DLGAP5: variants seen among roughly 807,000 people sequenced by gnomAD.
DLGAP5 encodes DLG associated protein 5, also known as disks large-associated protein 5.
In DLGAP5, 90 loss-of-function variants were observed where a neutral mutation model predicts 99.6. That is an observed-to-expected ratio of 0.90 (90% CI 0.76 to 1.08). The LOEUF is 1.08. Among genes scored for constraint, DLGAP5 ranks in the 50% least tolerant of loss-of-function variants. DLGAP5 has a pLI of 0.00. For missense variants in DLGAP5, 1,036 were observed against 983.5 expected, an observed-to-expected ratio of 1.05 and a Z score of -0.71; for synonymous variants, 311 against 321.3, an observed-to-expected ratio of 0.97 and a Z score of 0.34.
chr14:55,183,007 C>T (rs1883324621), intron 3 of DLGAP5, among the ~76,000 whole-genome samples: 1 of 152,132 alleles, frequency 6.6e-6, no homozygotes, highest in Admixed American at 6.5e-5. Context: ...TCTTCCTTAT[C>T]TCTTTTAGCA....
intron 9 of DLGAP5, 60 bp from the exon 10 acceptor site, chr14:55,175,532 C>A: frequency 9.9e-7 from 1 of 1,006,784 alleles, no homozygotes; most frequent in Admixed American, 3.1e-5. Flanking sequence ...AAAATGACAG[C>A]CCCTAAAAAG....
At chr14:55,176,976 GAAAAAAAAA>G (rs34109336) in intron 8 of DLGAP5, 77 bp downstream of exon 8, 561 of 253,486 alleles carry the variant, frequency 2.2e-3, no homozygotes, top group East Asian at 0.021. Flanking sequence ...AACTCCGTCT[GAAAAAAAAA>G]AAAAAAAAAA....
At position 55,151,833 on chromosome 14, in the gene DLGAP5, C is replaced by T. The variant is rs1288205162; in HGVS notation, c.2230G>A (p.Gly744Arg). ...ATTCCTTCCACAACATCTGAAATTCCTTCTTTTTTGTTAGTATTAATATCA... is the reference window on the plus strand; with the variant it reads ...ATTCCTTCCACAACATCTGAAATTCTTTCTTTTTTGTTAGTATTAATATCA... ...ADDINTNKKE[G>R]ISDVVEGMEL... Residue 744 changes from glycine to arginine, a missense_variant, in exon 17 of 19, where the codon GGA becomes AGA. Coordinates refer to ENST00000247191, the MANE Select transcript of DLGAP5 (RefSeq NM_014750.5). 6.2e-7 allele frequency: 1 copy of T among 1,613,866 alleles called. No individual in the cohort carries two copies. The highest frequency in any genetic ancestry group is 1.1e-5 in the South Asian group (1 of 91,076).
intron 13 of DLGAP5, among the ~76,000 whole-genome samples, chr14:55,159,136 T>A (rs1882323692): frequency 6.7e-6 from 1 of 148,540 alleles, no homozygotes; most frequent in Admixed American, 6.8e-5. Context: ...CCTAAACCAA[T>A]CTTCAGGCAT....
rs1302501665 is a variant in DLGAP5, at chr14:55,191,559, A to C, written c.-98T>G. The C allele has an allele frequency of 2.0e-5, 3 of 152,228 alleles. No homozygotes were observed. Among genetic ancestry groups the C allele is most frequent in the Non-Finnish European group, 2.9e-5 (2 of 67,996 alleles). The allele number at this position is 152,228 out of a possible 1,614,324, so 9.4% of individuals were successfully genotyped here. On this transcript the variant is annotated 5_prime_UTR_variant, in exon 1 of 19. Transcript: ENST00000247191. ...CGACTCCGAAGCAGGAACCCTCACA[A>C]CCCGAGCCTCCACGAAATTCAAACT... is the stretch of plus-strand genomic sequence containing the variant.
chr14:55,176,894 C>T (rs1414700519), intron 8 of DLGAP5, among the ~76,000 whole-genome samples, 168 bp downstream of exon 8: 1 of 134,424 alleles, frequency 7.4e-6, no homozygotes, highest in Non-Finnish European at 1.5e-5. Context: ...AGAAGAATGG[C>T]GTGAACCCGG....
chr14:55,161,598 C>T (rs1182064911), intron 13 of DLGAP5, among the ~76,000 whole-genome samples: 13 of 150,566 alleles, frequency 8.6e-5, no homozygotes, highest in African/African-American at 2.7e-4. Context: ...TTAGTAGAGA[C>T]GGGGTTTCTC....
chr14:55,185,793 C>T (rs567211565), intron 2 of DLGAP5, among the ~76,000 whole-genome samples: 10 of 152,348 alleles, frequency 6.6e-5, no homozygotes, highest in Non-Finnish European at 1.5e-4. Flanking sequence ...CTATTTCCAA[C>T]ACTCTTTACA....
At chr14:55,176,323 T>A (rs1226973399) in intron 8 of DLGAP5, among the ~76,000 whole-genome samples, 1 of 152,204 alleles carries the variant, frequency 6.6e-6, no homozygotes. Context: ...TGCAAAATGA[T>A]CTTGCCTTTT....
intron 12 of DLGAP5, among the ~76,000 whole-genome samples, chr14:55,165,618 A>G (rs182450409): frequency 1.4e-4 from 21 of 152,186 alleles, no homozygotes; most frequent in Non-Finnish European, 3.1e-4. Flanking sequence ...ATCTTCAAAG[A>G]ATCTGTTCCA....
At chr14:55,176,463 G>A (rs1227770186) in intron 8 of DLGAP5, among the ~76,000 whole-genome samples, 1 of 152,104 alleles carries the variant, frequency 6.6e-6, no homozygotes, top group African/African-American at 2.4e-5. Flanking sequence ...AAGCAGTATA[G>A]CAATTTTCTT....
chr14:55,160,473 A>G (rs1339095890), intron 13 of DLGAP5, among the ~76,000 whole-genome samples: 1 of 150,848 alleles, frequency 6.6e-6, no homozygotes, highest in Non-Finnish European at 1.5e-5. Flanking sequence ...TTTTTGAGAG[A>G]GTCTTGATGT....
rs772765834 is a variant in DLGAP5, at chr14:55,151,762, G to T, written c.2301C>A (p.Ser767Arg). ...TTTGTGAAGCTGTATTTTTTTCAGG[G>T]CTACTCATCAAAACATCCTGTGATG... is the stretch of plus-strand genomic sequence containing the variant. Reference protein sequence around the residue: ...SITSQDVLMSSPEKNTASQNS... With the variant: ...SITSQDVLMSRPEKNTASQNS... The change falls in exon 17 of 19, where the codon AGC (serine) becomes AGA (arginine). Residue 767 changes from serine to arginine, a missense_variant. By Grantham distance (110) the Ser-to-Arg change is moderately radical (BLOSUM62 -1). Coordinates refer to ENST00000247191, the MANE Select transcript of DLGAP5 (RefSeq NM_014750.5). The T allele has an allele frequency of 2.6e-5, 42 of 1,613,392 alleles. No individual in the cohort carries two copies. The highest frequency in any genetic ancestry group is 3.6e-5 in the Non-Finnish European group (42 of 1,179,830).
In DLGAP5 at chr14:55,165,553, C is replaced by A. The variant is rs113428001; in HGVS notation, c.1549-2478G>T. 1.5e-3 allele frequency among the ~76,000 whole-genome samples: 229 copies of A among 151,830 alleles called. 1 individual carries two copies. Among genetic ancestry groups the A allele is most frequent in the African/African-American group, 5.3e-3 (220 of 41,382 alleles). On this transcript the variant is annotated intron_variant, in intron 12 of 18. Coordinates refer to ENST00000247191, the MANE Select transcript of DLGAP5 (RefSeq NM_014750.5). Reference sequence around the variant, plus strand: ...AACAAAAAAAAAAACCCCAAAAAAACCCTACAATGAGATACCTCATACCCA... The same window carrying A: ...AACAAAAAAAAAAACCCCAAAAAAAACCTACAATGAGATACCTCATACCCA...
intron 1 of DLGAP5, among the ~76,000 whole-genome samples, chr14:55,190,718 ATCTG>A (rs1463751730): frequency 6.6e-6 from 1 of 152,204 alleles, no homozygotes; most frequent in African/African-American, 2.4e-5. Flanking sequence ...AAAAACGAGA[ATCTG>A]TCTGACCTGC....
intron 15 of DLGAP5, among the ~76,000 whole-genome samples, chr14:55,154,349 TGTA>T (rs1882126438): frequency 6.6e-6 from 1 of 152,176 alleles, no homozygotes; most frequent in Admixed American, 6.5e-5. Flanking sequence ...GCACCAAAGT[TGTA>T]GTATGTTTAG....
Position 55,162,997 on chromosome 14 carries a change from G to A in DLGAP5, c.1627C>T (p.His543Tyr). The A allele has an allele frequency of 6.3e-7, 1 of 1,591,670 alleles. No homozygotes were observed. The highest frequency in any genetic ancestry group is 1.2e-5 in the South Asian group (1 of 86,344). The change falls in exon 13 of 19, where the codon CAT becomes TAT. Residue 543 changes from histidine (H) to tyrosine (Y), a missense_variant. Transcript: ENST00000247191. ...CTAAAGACATTTTTGTTCATATTAT[G>A]ATTCATATTATTATTGACTTGCCAC... Reference protein sequence around the residue: ...SGWQVNNNMNHNMNKNVFRKK... With the variant: ...SGWQVNNNMNYNMNKNVFRKK...
At chr14:55,151,586 C>G (rs1882020343) in intron 17 of DLGAP5, 109 bp downstream of exon 17, 2 of 1,201,990 alleles carry the variant, frequency 1.7e-6, no homozygotes, top group Non-Finnish European at 2.3e-6. Context: ...AATGAAGGAT[C>G]CTCAATAGTT....
At chr14:55,172,583 C>A (rs914655085) in intron 10 of DLGAP5, among the ~76,000 whole-genome samples, 4 of 152,126 alleles carry the variant, frequency 2.6e-5, no homozygotes, top group South Asian at 2.1e-4. Flanking sequence ...AAGAGCGAGA[C>A]ACTGCACTCC....
Sources: gnomAD v4.1 joint callset for allele counts (sites outside exome capture counted in the v4.1 genomes callset) on GRCh38, gnomAD v4.1.1 for gene constraint, MANE v1.5 for transcripts, NCBI Gene and HGNC (gene_info 2026-07-23, HGNC 2026-07-21) for gene names.